The following ACACB variants were observed in gnomAD, a reference collection of about 807,000 sequenced individuals.
The protein encoded by ACACB is acetyl-CoA carboxylase 2.
A neutral mutation model predicts 278.8 loss-of-function variants in ACACB; 209 were observed. That is an observed-to-expected ratio of 0.75 (90% CI 0.67 to 0.84). The LOEUF is 0.84. Ranked by LOEUF, ACACB falls within the 40% of genes least tolerant of loss-of-function variation. ACACB has a pLI of 0.00. For missense variants in ACACB, 2,850 were observed against 3,269.0 expected, an observed-to-expected ratio of 0.87 and a Z score of 3.13; for synonymous variants, 1,174 against 1,285.6, an observed-to-expected ratio of 0.91 and a Z score of 1.86.
At position 109,130,704 on chromosome 12, in the gene ACACB, C is replaced by T. The variant is rs144937179; in HGVS notation, c.-9-8693C>T. On this transcript the variant is annotated intron_variant, in intron 1 of 52. Coordinates refer to ENST00000338432, the MANE Select transcript of ACACB (RefSeq NM_001093.4). Reference sequence around the variant, plus strand: ...AAGGTGTCCACCAGTCAGCCTCTTACGCCCCAGCAGCCACACTTGGCCTGT... The same window carrying T: ...AAGGTGTCCACCAGTCAGCCTCTTATGCCCCAGCAGCCACACTTGGCCTGT... Among the ~76,000 whole-genome samples the T allele has an allele frequency of 3.0e-3, 459 of 152,302 alleles. 2 individuals are homozygous for T. The highest frequency in any genetic ancestry group is 0.011 in the African/African-American group (444 of 41,570).
intron 2 of ACACB, among the ~76,000 whole-genome samples, chr12:109,152,624 T>TTTTCTTTC (rs771783908): frequency 3.2e-4 from 31 of 98,180 alleles, no homozygotes; most frequent in Admixed American, 1.0e-3. Context: ...TGCCTGTGCC[T>TTTTCTTTC]TTTCTTTCTT....
At chr12:109,203,971 AT>A (rs1347303005) in intron 19 of ACACB, among the ~76,000 whole-genome samples, 4 of 152,290 alleles carry the variant, frequency 2.6e-5, no homozygotes, top group African/African-American at 9.6e-5. Flanking sequence ...AAATTTAAAA[AT>A]ATCACATGGT....
intron 26 of ACACB, among the ~76,000 whole-genome samples, 192 bp downstream of exon 26, chr12:109,223,104 G>T (rs900828653): frequency 6.6e-6 from 1 of 152,150 alleles, no homozygotes; most frequent in Non-Finnish European, 1.5e-5. Context: ...TAGGAGAGGT[G>T]GGCATGGAGC....
intron 33 of ACACB, chr12:109,236,524 A>G (rs1292338200): frequency 6.5e-6 from 1 of 152,822 alleles, no homozygotes. Context: ...TCACTCTAAC[A>G]GTAGCAGAAT....
chr12:109,227,817 G>C (rs1438457299), intron 28 of ACACB, among the ~76,000 whole-genome samples: 3 of 152,228 alleles, frequency 2.0e-5, no homozygotes, highest in African/African-American at 7.2e-5. Flanking sequence ...CAGATCACTT[G>C]AGGTCAGGAG....
At position 109,242,492 on chromosome 12, in the gene ACACB, A is replaced by C. The variant is rs566589314; in HGVS notation, c.5078A>C (p.Asn1693Thr). ...KQGPQHGMLI[N>T]TPYVTKDLLQ... ...GGGCCCCAGCACGGGATGCTGATCA[A>C]TACTCCCTACGTCACCAAGGATCTG... is the stretch of plus-strand genomic sequence containing the variant. Residue 1693 changes from asparagine (N) to threonine (T), a missense_variant, in exon 37 of 53, where the codon AAT (asparagine) becomes ACT (threonine). Asn to Thr is a moderately conservative substitution (Grantham distance 65, BLOSUM62 0). Around this residue, in one of 3 missense-constraint regions of ACACB, gnomAD observed 2,265 missense variants for 2,561.3 expected, o/e 0.88. Transcript: ENST00000338432. 2.7e-5 allele frequency: 43 copies of C among 1,614,118 alleles called. No homozygotes were observed. The South Asian group carries it at 4.7e-4, about 18-fold the overall frequency.
Position 109,261,597 on chromosome 12 carries a change from G to A in ACACB, c.6675-760G>A, listed in dbSNP as rs187955861. Among the ~76,000 whole-genome samples, 45 of 152,166 alleles carry A rather than the reference G, an allele frequency of 3.0e-4. No homozygotes were observed. The Middle Eastern group carries it at 0.01, about 35-fold the overall frequency. On this transcript the variant is annotated intron_variant, in intron 48 of 52. Coordinates refer to ENST00000338432, the MANE Select transcript of ACACB (RefSeq NM_001093.4). ...AAAAATGTTGGAAATGAGGCCAGGC[G>A]TGGTGGCTCACGCCTGTAATCCCAG... is the stretch of plus-strand genomic sequence containing the variant.
In ACACB at chr12:109,239,959, C is replaced by T; in HGVS notation, c.4792C>T (p.Pro1598Ser). The change falls in exon 35 of 53, where the codon CCC (proline) becomes TCC (serine). Residue 1598 changes from proline to serine, a missense_variant. By Grantham distance (74) the Pro-to-Ser change is moderately conservative. Coordinates refer to ENST00000338432, the MANE Select transcript of ACACB (RefSeq NM_001093.4). ...DCNHIFLNFV[P>S]TVIMDPFKIE... The stretch of plus-strand genomic sequence containing the variant: ...CAACCACATCTTCCTCAACTTCGTG[C>T]CCACTGTCATCATGGACCCCTTCAA... 1 of 1,614,078 alleles carries T rather than the reference C, an allele frequency of 6.2e-7. No homozygotes were observed. The highest frequency in any genetic ancestry group is 1.1e-5 in the South Asian group (1 of 91,058).
At position 109,242,560 on chromosome 12, in the gene ACACB, T is replaced by C. The variant is rs1565963526; in HGVS notation, c.5146T>C (p.Tyr1716His). Reference protein sequence around the residue: ...RFQAQTLGTTYIYDFPEMFRQ... With the variant: ...RFQAQTLGTTHIYDFPEMFRQ... ...CCAGGCCCAGACCCTGGGAACCACC[T>C]ACATCTATGACTTCCCGGAAATGTT... Residue 1716 changes from tyrosine (Y) to histidine (H), a missense_variant, in exon 37 of 53, where the codon TAC becomes CAC. Coordinates refer to ENST00000338432, the MANE Select transcript of ACACB (RefSeq NM_001093.4). 2.5e-6 allele frequency: 4 copies of C among 1,614,100 alleles called. No homozygotes were observed. The highest frequency in any genetic ancestry group is 3.4e-6 in the Non-Finnish European group (4 of 1,179,988).
chr12:109,245,789 C>A, intron 38 of ACACB, 41 bp downstream of exon 38: 1 of 1,603,312 alleles, frequency 6.2e-7, no homozygotes, highest in Non-Finnish European at 8.5e-7. Context: ...TGGAGTCACC[C>A]CCTTAAAAAT....
At chr12:109,250,642 TGTA>T (rs1009166516) in intron 41 of ACACB, among the ~76,000 whole-genome samples, 11 of 151,738 alleles carry the variant, frequency 7.2e-5, no homozygotes, top group Non-Finnish European at 5.9e-5. Flanking sequence ...GTAGTACTAC[TGTA>T]GTAGTAGTAG....
At chr12:109,168,262 C>T (rs954342022) in intron 4 of ACACB, among the ~76,000 whole-genome samples, 13 of 152,264 alleles carry the variant, frequency 8.5e-5, no homozygotes, top group South Asian at 8.3e-4. Flanking sequence ...AGAGGAAATT[C>T]GATCTTTGAG....
intron 11 of ACACB, 128 bp downstream of exon 11, chr12:109,180,215 C>CT: frequency 2.2e-6 from 2 of 920,026 alleles, no homozygotes; most frequent in Non-Finnish European, 3.2e-6. Context: ...CCAAAGAGCA[C>CT]TTTGAGAAAT....
At chr12:109,256,731 T>C (rs751527382) in intron 45 of ACACB, among the ~76,000 whole-genome samples, 1 of 152,134 alleles carries the variant, frequency 6.6e-6, no homozygotes, top group Non-Finnish European at 1.5e-5. Context: ...TCCCTCCTCA[T>C]CATTTACCAC....
In ACACB at chr12:109,217,072, A is replaced by G. The variant is rs562424509; in HGVS notation, c.3564+152A>G. On this transcript the variant is annotated intron_variant, in intron 24 of 52. Transcript: ENST00000338432. Reference sequence around the variant, plus strand: ...TGAGGCGGGCAGATCACTTGAGGTTAGGAGTTTGAGACCAGCCTGGCTAAC... The same window carrying G: ...TGAGGCGGGCAGATCACTTGAGGTTGGGAGTTTGAGACCAGCCTGGCTAAC... 16 of 1,036,050 alleles carry G rather than the reference A, an allele frequency of 1.5e-5. No homozygotes were observed. In the East Asian group the frequency reaches 2.6e-4, roughly 17 times the overall value. 64.2% of individuals were successfully genotyped at this position (1,036,050 alleles called of 1,614,324 possible).
At chr12:109,175,024 A>G (rs983995577) in intron 7 of ACACB, among the ~76,000 whole-genome samples, 14 of 152,226 alleles carry the variant, frequency 9.2e-5, no homozygotes, top group African/African-American at 3.4e-4. Flanking sequence ...AACAGTCCTC[A>G]TGGTTAAACA....
intron 9 of ACACB, among the ~76,000 whole-genome samples, chr12:109,177,491 G>A (rs962896032): frequency 6.6e-6 from 1 of 152,024 alleles, no homozygotes; most frequent in South Asian, 2.1e-4. Flanking sequence ...TACCACTCTT[G>A]GTATAATATG....
At chr12:109,131,667 A>G (rs2042831430) in intron 1 of ACACB, among the ~76,000 whole-genome samples, 1 of 152,120 alleles carries the variant, frequency 6.6e-6, no homozygotes, top group Admixed American at 6.5e-5. Context: ...TCTCGTGTTC[A>G]TTGTGGTGAA....
chr12:109,246,333 C>A lies in ACACB; in HGVS notation c.5456C>A (p.Ala1819Glu), dbSNP rs747711310. ...CTGCGGGCATCCGAGATGGCCCGGG[C>A]AGAGGGCATTCCCAAAATTTACGTG... ...LYLRASEMAR[A>E]EGIPKIYVAA... is the part of the protein sequence containing the mutation. Residue 1819 changes from alanine to glutamate, a missense_variant, in exon 39 of 53, where the codon GCA becomes GAA. Transcript: ENST00000338432. 29 of 1,612,818 alleles carry A rather than the reference C, an allele frequency of 1.8e-5. No homozygotes were observed. Among genetic ancestry groups the A allele is most frequent in the Non-Finnish European group, 2.3e-5 (27 of 1,179,820 alleles).
Sources: gnomAD v4.1 joint callset for allele counts (sites outside exome capture counted in the v4.1 genomes callset) on GRCh38, gnomAD v4.1.1 for gene constraint, gnomAD v4.1.1 regional missense constraint, MANE v1.5 for transcripts, NCBI Gene and HGNC (gene_info 2026-07-23, HGNC 2026-07-21) for gene names.